FGGY: variants seen among roughly 807,000 people sequenced by gnomAD.
FGGY encodes FGGY carbohydrate kinase domain containing.
FGGY carries 72 observed loss-of-function variants against 71.3 expected under a neutral mutation model. That is an observed-to-expected ratio of 1.01 (90% CI 0.84 to 1.23). The LOEUF (loss-of-function observed/expected upper bound fraction) is 1.23, where lower values mean the gene tolerates loss of function less well. Ranked by LOEUF, FGGY falls within the 50% of genes most tolerant of loss-of-function variation. The pLI is 0.00. For synonymous variants in FGGY, 251 were observed against 250.3 expected, an observed-to-expected ratio of 1.00 and a Z score of -0.02; for missense variants, 668 against 682.3, an observed-to-expected ratio of 0.98 and a Z score of 0.23.
intron 5 of FGGY, among the ~76,000 whole-genome samples, chr1:59,392,493 G>A (rs2060819021): frequency 6.6e-6 from 1 of 152,044 alleles, no homozygotes; most frequent in African/African-American, 2.4e-5. Context: ...TGGAGTGGGT[G>A]ATTTATTTAG....
chr1:59,358,781 A>G (rs1048167774), intron 4 of FGGY, among the ~76,000 whole-genome samples: 3 of 152,218 alleles, frequency 2.0e-5, no homozygotes, highest in Admixed American at 1.3e-4. Context: ...TTTTATTGCT[A>G]TCTACATACA....
At chr1:59,308,194 C>T (rs933969841) in intron 1 of FGGY, among the ~76,000 whole-genome samples, 3 of 152,238 alleles carry the variant, frequency 2.0e-5, no homozygotes, top group African/African-American at 7.2e-5. Context: ...ATTACAGGAA[C>T]TTAAAATGTA....
At chr1:59,507,953 C>A (rs914477490) in intron 6 of FGGY, among the ~76,000 whole-genome samples, 4 of 152,138 alleles carry the variant, frequency 2.6e-5, no homozygotes, top group South Asian at 4.1e-4. Flanking sequence ...TGTTCCAGTT[C>A]TCTGTTCCTC....
chr1:59,473,258 C>T (rs1399749579), intron 6 of FGGY, among the ~76,000 whole-genome samples: 2 of 152,086 alleles, frequency 1.3e-5, no homozygotes, highest in Non-Finnish European at 2.9e-5. Flanking sequence ...GAGGAACGAA[C>T]AACTCCAGAC....
intron 8 of FGGY, among the ~76,000 whole-genome samples, chr1:59,601,502 T>C (rs1238151030): frequency 6.6e-6 from 1 of 152,278 alleles, no homozygotes; most frequent in East Asian, 1.9e-4. Flanking sequence ...GCTCCATCAT[T>C]TCTGATCTTT....
At chr1:59,381,934 A>G (rs1462308298) in intron 5 of FGGY, among the ~76,000 whole-genome samples, 1 of 152,164 alleles carries the variant, frequency 6.6e-6, no homozygotes, top group Non-Finnish European at 1.5e-5. Context: ...GAGTGAGTGT[A>G]TGTGTGGGGT....
intron 14 of FGGY, among the ~76,000 whole-genome samples, chr1:59,727,087 T>C (rs1471100468): frequency 2.0e-5 from 3 of 152,144 alleles, no homozygotes; most frequent in Non-Finnish European, 4.4e-5. Flanking sequence ...GTTCCCATGT[T>C]TATGTCCATG....
At chr1:59,712,973 A>T (rs1176477448) in intron 14 of FGGY, among the ~76,000 whole-genome samples, 3 of 152,094 alleles carry the variant, frequency 2.0e-5, no homozygotes, top group African/African-American at 7.2e-5. Context: ...GCAAACTTTC[A>T]TGCTCTGTTT....
intron 1 of FGGY, chr1:59,318,549 G>T (rs1381914586): frequency 6.6e-6 from 1 of 152,238 alleles, no homozygotes; most frequent in East Asian, 1.9e-4. Flanking sequence ...AATGTGGGTA[G>T]GGTGGTAAGA....
At chr1:59,307,071 T>C (rs1297843564) in intron 1 of FGGY, among the ~76,000 whole-genome samples, 1 of 152,018 alleles carries the variant, frequency 6.6e-6, no homozygotes, top group African/African-American at 2.4e-5. Context: ...TCTCAGAACT[T>C]TGGGAGGCCG....
At chr1:59,402,815 G>A (rs761666321) in intron 5 of FGGY, among the ~76,000 whole-genome samples, 1 of 152,194 alleles carries the variant, frequency 6.6e-6, no homozygotes, top group East Asian at 1.9e-4. Flanking sequence ...TTGGCAAAAC[G>A]AAGTAAGAAT....
intron 1 of FGGY, among the ~76,000 whole-genome samples, chr1:59,306,020 A>G (rs1318795567): frequency 6.6e-6 from 1 of 152,168 alleles, no homozygotes; most frequent in Non-Finnish European, 1.5e-5. Context: ...ATCTGCAGAC[A>G]TATCCCAGGG....
At chr1:59,576,102 A>G (rs1292926738) in intron 8 of FGGY, among the ~76,000 whole-genome samples, 1 of 152,168 alleles carries the variant, frequency 6.6e-6, no homozygotes, top group Non-Finnish European at 1.5e-5. Flanking sequence ...ATGCACACAT[A>G]TGTTTATTGC....
intron 8 of FGGY, among the ~76,000 whole-genome samples, chr1:59,563,843 A>G (rs1463125610): frequency 6.6e-6 from 1 of 152,214 alleles, no homozygotes; most frequent in Non-Finnish European, 1.5e-5. Context: ...CAAAACAGAT[A>G]TGTAGACCCA....
intron 6 of FGGY, among the ~76,000 whole-genome samples, chr1:59,462,283 C>T (rs974867929): frequency 6.6e-6 from 1 of 152,170 alleles, no homozygotes; most frequent in Non-Finnish European, 1.5e-5. Context: ...GGATCCCTTC[C>T]TTACACCTTA....
intron 6 of FGGY, among the ~76,000 whole-genome samples, chr1:59,476,685 G>A (rs930266571): frequency 6.6e-6 from 1 of 152,202 alleles, no homozygotes; most frequent in Admixed American, 6.5e-5. Context: ...GCAGTTTTGG[G>A]TTTTCTCATC....
intron 8 of FGGY, among the ~76,000 whole-genome samples, chr1:59,590,934 G>A (rs900165697): frequency 1.3e-5 from 2 of 152,258 alleles, no homozygotes; most frequent in Admixed American, 6.5e-5. Flanking sequence ...GGAAATTCTG[G>A]CCAGGGCAAT....
intron 12 of FGGY, among the ~76,000 whole-genome samples, chr1:59,666,108 C>T (rs2097323219): frequency 6.6e-6 from 1 of 152,206 alleles, no homozygotes; most frequent in African/African-American, 2.4e-5. Context: ...AAGATATTGG[C>T]TCATGCCTTC....
chr1:59,337,319 A>G (rs534903085), intron 2 of FGGY, among the ~76,000 whole-genome samples: 16 of 152,230 alleles, frequency 1.1e-4, no homozygotes, highest in African/African-American at 3.6e-4. Context: ...TAAGGGCAGG[A>G]GGAGAAAAGG....
Sources: allele counts gnomAD v4.1 joint callset (sites outside exome capture counted in the v4.1 genomes callset), GRCh38; gene constraint gnomAD v4.1.1; transcripts MANE v1.5; gene names NCBI Gene and HGNC (gene_info 2026-07-23, HGNC 2026-07-21).